The following PSMA3 variants were observed in gnomAD, a reference collection of about 807,000 sequenced individuals.
PSMA3 encodes the protein proteasome 20S subunit alpha 3.
In PSMA3, 8 loss-of-function variants were observed where a neutral mutation model predicts 40.0. That is an observed-to-expected ratio of 0.20 (90% CI 0.12 to 0.36). PSMA3 has a LOEUF of 0.36. Ranked by LOEUF, PSMA3 falls within the 10% of genes least tolerant of loss-of-function variation. The pLI, the probability that PSMA3 is intolerant of heterozygous loss-of-function variation, is 1.00. For missense variants in PSMA3, 219 were observed against 310.6 expected, an observed-to-expected ratio of 0.70 and a Z score of 2.22; for synonymous variants, 110 against 100.0, an observed-to-expected ratio of 1.10 and a Z score of -0.59.
chr14:58,257,741 T>C lies in PSMA3; in HGVS notation c.229-4T>C, dbSNP rs201236760. ...CCTCTAGTAAATTGGTGCTTTTTTT[T>C]CAGGCAGTAGCAGGTTTGTTGGCAG... On this transcript the variant is annotated splice_region_variant and splice_polypyrimidine_tract_variant and intron_variant, in intron 3 of 10. Coordinates refer to ENST00000216455, the MANE Select transcript of PSMA3 (RefSeq NM_002788.4). The C allele has an allele frequency of 3.1e-5, 50 of 1,606,608 alleles. No homozygotes were observed. The highest frequency in any genetic ancestry group is 3.9e-5 in the Non-Finnish European group (46 of 1,174,474).
At chr14:58,250,364 T>C (rs1228776218) in intron 2 of PSMA3, among the ~76,000 whole-genome samples, 2 of 152,106 alleles carry the variant, frequency 1.3e-5, no homozygotes, top group Non-Finnish European at 2.9e-5. Context: ...TCAACTAAGT[T>C]TGCAAACCTT....
chr14:58,264,295 T>C (rs1446571247), intron 7 of PSMA3, among the ~76,000 whole-genome samples: 1 of 152,224 alleles, frequency 6.6e-6, no homozygotes, highest in Non-Finnish European at 1.5e-5. Context: ...GAACACAGCT[T>C]TTATGTCTGG....
chr14:58,269,429 GTTTTTT>G (rs879582556), intron 8 of PSMA3: 1 of 145,568 alleles, frequency 6.9e-6, no homozygotes, highest in Admixed American at 6.9e-5. Context: ...ACATAAATTA[GTTTTTT>G]TTTTTTTATT....
chr14:58,269,298 A>C (rs1281597734), intron 8 of PSMA3, among the ~76,000 whole-genome samples: 1 of 152,114 alleles, frequency 6.6e-6, no homozygotes, highest in Non-Finnish European at 1.5e-5. Flanking sequence ...TGTAATTTGT[A>C]AGGTACTACA....
intron 2 of PSMA3, 82 bp downstream of exon 2, chr14:58,247,914 G>A: frequency 2.3e-6 from 2 of 855,492 alleles, no homozygotes; most frequent in Non-Finnish European, 3.6e-6. Flanking sequence ...TGTTACTTTG[G>A]TACAAATTAG....
chr14:58,257,092 A>T (rs1890161192), intron 3 of PSMA3, among the ~76,000 whole-genome samples: 1 of 123,124 alleles, frequency 8.1e-6, no homozygotes, highest in Non-Finnish European at 1.8e-5. Flanking sequence ...ACACAGTGAG[A>T]CTCTGTCTCA....
Position 58,247,461 on chromosome 14 carries a change from T to C in PSMA3, c.22-289T>C, listed in dbSNP as rs911287614. Among the ~76,000 whole-genome samples, 14 of 152,396 alleles carry C rather than the reference T, an allele frequency of 9.2e-5. No homozygotes were observed. In the East Asian group the frequency reaches 2.7e-3, roughly 29 times the overall value. On this transcript the variant is annotated intron_variant, in intron 1 of 10. Transcript: ENST00000216455. The stretch of plus-strand genomic sequence containing the variant: ...AATGTTCGAACTCCAGTGCTGGTTC[T>C]ACTGCCCCATATTAATCTTTTTCAA...
intron 5 of PSMA3, 143 bp downstream of exon 5, chr14:58,258,141 A>T: frequency 1.6e-6 from 1 of 640,764 alleles, no homozygotes; most frequent in Non-Finnish European, 2.7e-6. Flanking sequence ...AACAGTGTAC[A>T]TAGAAACTAC....
chr14:58,252,273 T>C, intron 3 of PSMA3, 31 bp downstream of exon 3: 1 of 1,593,916 alleles, frequency 6.3e-7, no homozygotes, highest in Non-Finnish European at 8.5e-7. Flanking sequence ...TTCCTTTTTG[T>C]CTTGTCCAAT....
Position 58,246,638 on chromosome 14 carries a change from C to T in PSMA3, c.22-1112C>T, listed in dbSNP as rs564414917. 2.2e-4 allele frequency among the ~76,000 whole-genome samples: 33 copies of T among 152,288 alleles called. No homozygotes were observed. The South Asian group carries it at 5.0e-3, about 23-fold the overall frequency. On this transcript the variant is annotated intron_variant, in intron 1 of 10. Coordinates refer to ENST00000216455, the MANE Select transcript of PSMA3 (RefSeq NM_002788.4). ...GGTCTCCATCTCTTGACCTTGTGAT[C>T]AGCCCGCCTCACCCTCCCAAAGTGC...
intron 6 of PSMA3, 97 bp downstream of exon 6, chr14:58,261,117 A>C: frequency 1.2e-6 from 1 of 855,288 alleles, no homozygotes; most frequent in Non-Finnish European, 1.8e-6. Flanking sequence ...TTAAAAAAAA[A>C]CTCATTCAAG....
intron 8 of PSMA3, chr14:58,267,736 AC>A: frequency 1.2e-6 from 1 of 847,858 alleles, no homozygotes; most frequent in Non-Finnish European, 1.5e-6. Context: ...AAATAGCTTG[AC>A]AAAATAAACT....
chr14:58,270,392 T>C (rs543974074), intron 8 of PSMA3, 26 bp from the exon 9 acceptor site: 5 of 1,612,424 alleles, frequency 3.1e-6, no homozygotes, highest in East Asian at 2.2e-5. Context: ...GTTACCAAAA[T>C]CTTACCTTTC....
rs1161780189 is a variant in PSMA3 at position 58,254,122 on chromosome 14, T to C, written c.228+1880T>C. Among the ~76,000 whole-genome samples, 3 of 151,458 alleles carry C rather than the reference T, an allele frequency of 2.0e-5. No individual in the cohort carries two copies. In the East Asian group the frequency reaches 5.8e-4, roughly 29 times the overall value. On this transcript the variant is annotated intron_variant, in intron 3 of 10. Transcript: ENST00000216455. ...TCTTTGTATCCATGAATTCTCATCA[T>C]TTAGCTTCCACTTATAAGAGAGAAC... is the stretch of plus-strand genomic sequence containing the variant.
intron 9 of PSMA3, among the ~76,000 whole-genome samples, 160 bp downstream of exon 9, chr14:58,270,645 C>T (rs951143862): frequency 6.6e-6 from 1 of 152,140 alleles, no homozygotes; most frequent in African/African-American, 2.4e-5. Flanking sequence ...GTTGTGAACA[C>T]GTTATTTTTT....
chr14:58,245,464 A>G (rs999210215), intron 1 of PSMA3: 1 of 153,012 alleles, frequency 6.5e-6, no homozygotes, highest in Non-Finnish European at 1.5e-5. Flanking sequence ...ACTAATAAAA[A>G]TGGTCTGAAA....
intron 5 of PSMA3, chr14:58,258,242 A>T (rs941671933): frequency 1.7e-5 from 7 of 416,814 alleles, no homozygotes; most frequent in Non-Finnish European, 2.2e-5. Flanking sequence ...GTATGAGACC[A>T]GCCTGGCCAA....
intron 6 of PSMA3, among the ~76,000 whole-genome samples, chr14:58,262,098 T>G (rs192721162): frequency 1.1e-4 from 17 of 152,158 alleles, no homozygotes; most frequent in Non-Finnish European, 2.2e-4. Flanking sequence ...CCTGGTTAAT[T>G]TTTGTATTTT....
intron 3 of PSMA3, among the ~76,000 whole-genome samples, chr14:58,256,900 C>T (rs1890157008): frequency 6.7e-6 from 1 of 149,530 alleles, no homozygotes; most frequent in African/African-American, 2.5e-5. Context: ...AGGCTGATCA[C>T]CTGAGGTCAG....
Sources: allele counts gnomAD v4.1 joint callset (sites outside exome capture counted in the v4.1 genomes callset), GRCh38; gene constraint gnomAD v4.1.1; transcripts MANE v1.5; gene names NCBI Gene and HGNC (gene_info 2026-07-23, HGNC 2026-07-21).